The following SIRPG variants were observed in gnomAD, a reference collection of about 807,000 sequenced individuals.
SIRPG encodes signal regulatory protein gamma, also known as signal-regulatory protein gamma.
Under a neutral mutation model 35.7 loss-of-function variants are expected in SIRPG, and 38 were observed. The observed-to-expected ratio is 1.06, with a 90% confidence interval of 0.82 to 1.40. SIRPG has a LOEUF of 1.40. Ranked by LOEUF, SIRPG falls within the 40% of genes most tolerant of loss-of-function variation. The pLI is 0.00. For missense variants in SIRPG, 519 were observed against 483.0 expected (o/e 1.07, Z -0.70); for synonymous variants, 215 against 190.4 (o/e 1.13, Z -1.06).
chr20:1,636,629 A>T, intron 2 of SIRPG, 124 bp from the exon 3 acceptor site: 1 of 1,114,516 alleles, frequency 9.0e-7, no homozygotes, highest in Non-Finnish European at 1.3e-6. Context: ...TGTGGAGAGG[A>T]TGGTGTTCTT....
intron 1 of SIRPG, among the ~76,000 whole-genome samples, chr20:1,657,328 A>C (rs2091981509): frequency 6.6e-6 from 1 of 152,250 alleles, no homozygotes. Flanking sequence ...GGAGGAGGGC[A>C]CACAAAAATG....
At chr20:1,664,613 G>A in the SIRPG span, among the ~76,000 whole-genome samples, 1 of 152,196 alleles carries the variant, frequency 6.6e-6, no homozygotes. Context: ...GGGCATCAAG[G>A]TGGCAGAGAC....
At chr20:1,630,995 C>T (rs1050959187) in intron 4 of SIRPG, among the ~76,000 whole-genome samples, 9 of 152,144 alleles carry the variant, frequency 5.9e-5, no homozygotes, top group African/African-American at 2.2e-4. Context: ...CCTCAGATGT[C>T]ACCTAGGCCA....
intron 2 of SIRPG, among the ~76,000 whole-genome samples, chr20:1,643,967 A>G (rs563131672): frequency 6.6e-6 from 1 of 152,206 alleles, no homozygotes; most frequent in South Asian, 2.1e-4. Context: ...TCTAACCTCG[A>G]GGGGCACTGA....
At chr20:1,634,137 T>A (rs1459561939) in intron 4 of SIRPG, among the ~76,000 whole-genome samples, 2 of 151,668 alleles carry the variant, frequency 1.3e-5, no homozygotes, top group Non-Finnish European at 2.9e-5. Context: ...TTATTGTTGC[T>A]CAAATATCAC....
intron 2 of SIRPG, among the ~76,000 whole-genome samples, chr20:1,641,039 A>G (rs1156317461): frequency 2.0e-5 from 3 of 152,164 alleles, no homozygotes; most frequent in Admixed American, 1.3e-4. Context: ...TTTCACTTTG[A>G]TGTTTATCAG....
At chr20:1,657,990 C>T, upstream of SIRPG, among the ~76,000 whole-genome samples, 1 of 152,164 alleles carries the variant, frequency 6.6e-6, no homozygotes, top group East Asian at 1.9e-4. Flanking sequence ...GCTCCCTCCT[C>T]GTGTCCCCAA....
In SIRPG at chr20:1,650,002, GTGTATATATA is replaced by G. The variant is rs1243260943; in HGVS notation, c.74-604_74-595del. On this transcript the variant is annotated intron_variant, in intron 1 of 5. Transcript: ENST00000303415. ...GAACTCCTGAACTCTACTTTGAAGT[GTGTATATATA>G]TATATATATATATATGTCATATAAG... Among the ~76,000 whole-genome samples, 221 of 81,380 alleles carry G rather than the reference GTGTATATATA, an allele frequency of 2.7e-3. 2 individuals are homozygous for G. Among genetic ancestry groups the G allele is most frequent in the African/African-American group, 0.01 (204 of 20,128 alleles). The allele number at this position is 81,380 out of a possible 152,430, so 53.4% of individuals were successfully genotyped here.
the SIRPG span, chr20:1,671,253 A>G: frequency 7.9e-5 from 17 of 214,908 alleles, no homozygotes; most frequent in Non-Finnish European, 1.5e-4. Context: ...ATCACTAATG[A>G]TGAGTGTGTG....
upstream of SIRPG, among the ~76,000 whole-genome samples, chr20:1,659,621 C>T (rs4813199): frequency 0.19 from 29,443 of 152,192 alleles, 3,589 homozygotes; most frequent in Admixed American, 0.32. Flanking sequence ...AACCTCCTTT[C>T]ACAGGTGAGA....
chr20:1,649,373 GC>G lies in SIRPG; in HGVS notation c.108del (p.Gln36HisfsTer20). On this transcript the variant is annotated frameshift_variant, in exon 2 of 6. Coordinates refer to ENST00000303415, the MANE Select transcript of SIRPG (RefSeq NM_018556.4). LOFTEE classifies it high-confidence loss of function. ...ACTGTGACCAACAGGAGCTTCTCAG[GC>G]TGAATCATCTGTAGCTCCTCCTCAC... is the stretch of plus-strand genomic sequence containing the variant. ...VAGEEELQMIQPEKLLLVTVG... is the reference protein window; with the variant it reads ...VAGEEELQMIXPEKLLLVTVG... 6.2e-7 allele frequency: 1 copy of G among 1,612,792 alleles called. No individual in the cohort carries two copies. The highest frequency in any genetic ancestry group is 8.5e-7 in the Non-Finnish European group (1 of 1,179,222).
At chr20:1,668,193 CT>C in the SIRPG span, among the ~76,000 whole-genome samples, 406 of 28,702 alleles carry the variant, frequency 0.014, 2 homozygotes, top group African/African-American at 0.033. Flanking sequence ...CTTTCTTTTT[CT>C]TTTCTTTTCT....
chr20:1,649,546 A>G, intron 1 of SIRPG, 138 bp from the exon 2 acceptor site: 1 of 728,196 alleles, frequency 1.4e-6, no homozygotes, highest in Non-Finnish European at 2.2e-6. Context: ...TGCATGTATT[A>G]TCTCATTTAA....
At chr20:1,646,468 T>C (rs1037006886) in intron 2 of SIRPG, 6 of 152,246 alleles carry the variant, frequency 3.9e-5, no homozygotes, top group African/African-American at 1.2e-4. Context: ...CTCTGCTCCA[T>C]AGATGCTGCT....
At chr20:1,662,793 C>T in the SIRPG span, among the ~76,000 whole-genome samples, 1 of 152,024 alleles carries the variant, frequency 6.6e-6, no homozygotes, top group Non-Finnish European at 1.5e-5. Context: ...AATAAGTACA[C>T]GTGGTAATAT....
chr20:1,630,438 C>A, intron 4 of SIRPG, 132 bp from the exon 5 acceptor site: 1 of 658,776 alleles, frequency 1.5e-6, no homozygotes, highest in Non-Finnish European at 2.6e-6. Flanking sequence ...CCTGCCCAGG[C>A]TATCTTCACT....
At chr20:1,648,430 T>C (rs2091913268) in intron 2 of SIRPG, 1 of 152,228 alleles carries the variant, frequency 6.6e-6, no homozygotes, top group Admixed American at 6.5e-5. Flanking sequence ...CCCTGTGTGA[T>C]GTTTCTGAAG....
At chr20:1,634,367 C>T (rs59902161) in intron 4 of SIRPG, among the ~76,000 whole-genome samples, 4,467 of 151,772 alleles carry the variant, frequency 0.029, 200 homozygotes, top group African/African-American at 0.1. Flanking sequence ...CCACCACGCC[C>T]GGCTCATTTT....
chr20:1,676,763 C>A, the SIRPG span: 1 of 213,418 alleles, frequency 4.7e-6, no homozygotes, highest in East Asian at 1.5e-4. Flanking sequence ...GGTCCAGCTC[C>A]TCTGAACCAC....
Sources: allele counts gnomAD v4.1 joint callset (sites outside exome capture counted in the v4.1 genomes callset), GRCh38; gene constraint gnomAD v4.1.1; transcripts MANE v1.5; gene names NCBI Gene and HGNC (gene_info 2026-07-23, HGNC 2026-07-21).